ADCY1: variants seen among roughly 807,000 people sequenced by gnomAD.
ADCY1 encodes adenylate cyclase type 1.
Under a neutral mutation model 105.4 loss-of-function variants are expected in ADCY1, and 28 were observed. The observed-to-expected ratio is 0.27, with a 90% CI of 0.20 to 0.36. The LOEUF (loss-of-function observed/expected upper bound fraction) is 0.36, where lower values mean the gene tolerates loss of function less well. Ranked by LOEUF, ADCY1 falls within the 10% of genes least tolerant of loss-of-function variation. The probability of loss-of-function intolerance (pLI) is 1.00; values close to 1 mark genes in which losing one functional copy is unlikely to be tolerated. For missense variants in ADCY1, 977 were observed against 1,434.2 expected (o/e 0.68, Z 5.15); for synonymous variants, 655 against 623.8 (o/e 1.05, Z -0.75).
chr7:45,674,114 T>A (rs1784414292), intron 8 of ADCY1, among the ~76,000 whole-genome samples: 1 of 151,332 alleles, frequency 6.6e-6, no homozygotes, highest in East Asian at 1.9e-4. Flanking sequence ...CTAGTTTTAG[T>A]TTGATTCTGT....
In ADCY1 at chr7:45,720,476, A is replaced by AT. The variant is rs1172524190; in HGVS notation, c.*6483dup. On this transcript the variant is annotated 3_prime_UTR_variant, in exon 20 of 20. Transcript: ENST00000297323. Reference sequence around the variant, plus strand: ...GGTTGCAGTGAGCTGAGATTGCACCATTGCACTCCAGCCTGGGCGACAGAG... The same window carrying AT: ...GGTTGCAGTGAGCTGAGATTGCACCATTTGCACTCCAGCCTGGGCGACAGAG... The AT allele has an allele frequency of 3.3e-5, 5 of 150,972 alleles. No individual in the cohort carries two copies. The highest frequency in any genetic ancestry group is 1.2e-4 in the African/African-American group (5 of 40,992). 9.4% of individuals were successfully genotyped at this position (150,972 alleles called of 1,614,324 possible).
intron 8 of ADCY1, among the ~76,000 whole-genome samples, chr7:45,670,088 T>A (rs1028113184): frequency 2.0e-5 from 3 of 152,158 alleles, no homozygotes; most frequent in Non-Finnish European, 4.4e-5. Flanking sequence ...AAAATACTCT[T>A]GAGTAGGTAT....
chr7:45,580,192 T>C lies in ADCY1; in HGVS notation c.639+5010T>C, dbSNP rs866769088. ...GCCAGGGGCTCCCACTCACTCCACC[T>C]CTGAAGTGGTCCAGTGGGCCCAGGG... On this transcript the variant is annotated intron_variant, in intron 1 of 19. Transcript: ENST00000297323. Among the ~76,000 whole-genome samples, 6 of 152,312 alleles carry C rather than the reference T, an allele frequency of 3.9e-5. No individual in the cohort carries two copies. The South Asian group carries it at 1.2e-3, about 32-fold the overall frequency.
intron 14 of ADCY1, among the ~76,000 whole-genome samples, chr7:45,687,211 A>G (rs1414372853): frequency 3.3e-5 from 5 of 152,200 alleles, no homozygotes; most frequent in African/African-American, 1.2e-4. Context: ...TGGAGTAGCA[A>G]ACATGTGAAC....
intron 8 of ADCY1, among the ~76,000 whole-genome samples, chr7:45,669,698 A>G (rs1283670350): frequency 6.6e-6 from 1 of 152,198 alleles, no homozygotes; most frequent in Non-Finnish European, 1.5e-5. Context: ...ATTTTGTTGA[A>G]ACATGGCTGG....
At chr7:45,635,885 A>G (rs190589664) in intron 4 of ADCY1, among the ~76,000 whole-genome samples, 38 of 152,056 alleles carry the variant, frequency 2.5e-4, no homozygotes, top group African/African-American at 8.4e-4. Context: ...CCATATCTTT[A>G]TTGATTTCCT....
At chr7:45,634,868 T>G (rs1562699205) in intron 4 of ADCY1, among the ~76,000 whole-genome samples, 1 of 152,224 alleles carries the variant, frequency 6.6e-6, no homozygotes, top group Admixed American at 6.5e-5. Flanking sequence ...AAAATTTTGT[T>G]TAGAAAATTT....
chr7:45,679,783 C>G lies in ADCY1; in HGVS notation c.1973C>G (p.Thr658Ser). Residue 658 changes from threonine to serine, a missense_variant, in exon 11 of 20, where the codon ACC (threonine) becomes AGC (serine). By Grantham distance (58) the Thr-to-Ser change is moderately conservative. Transcript: ENST00000297323. ...GCCTGTGTCCTGTACCTGCACATCA[C>G]CCGGGTCCAGGTATGTGGGTGGCCT... is the stretch of plus-strand genomic sequence containing the variant. ...LVACVLYLHI[T>S]RVQCFPGCLT... The G allele has an allele frequency of 6.2e-7, 1 of 1,613,730 alleles. No homozygotes were observed. Among genetic ancestry groups the G allele is most frequent in the Non-Finnish European group, 8.5e-7 (1 of 1,179,852 alleles).
In ADCY1 at chr7:45,575,206, A is replaced by C; in HGVS notation, c.639+24A>C. On this transcript the variant is annotated intron_variant, in intron 1 of 19. Transcript: ENST00000297323. The surrounding 1 kb of genome is among the most constrained non-coding windows in gnomAD (Gnocchi z 4.7). Reference sequence around the variant, plus strand: ...CGGTAAGTGCAGCCGCGCACCCCTCATCTGGTCTCGGACACACTTGCTGGG... The same window carrying C: ...CGGTAAGTGCAGCCGCGCACCCCTCCTCTGGTCTCGGACACACTTGCTGGG... The C allele has an allele frequency of 6.4e-7, 1 of 1,559,244 alleles. No homozygotes were observed. The highest frequency in any genetic ancestry group is 2.3e-5 in the East Asian group (1 of 44,294).
At chr7:45,614,199 A>G (rs1416665274) in intron 3 of ADCY1, among the ~76,000 whole-genome samples, 3 of 152,044 alleles carry the variant, frequency 2.0e-5, no homozygotes, top group Non-Finnish European at 4.4e-5. Flanking sequence ...AAAATAAATA[A>G]CTGGAAAGTA....
At chr7:45,660,887 T>G (rs1463482628) in intron 7 of ADCY1, among the ~76,000 whole-genome samples, 7 of 137,334 alleles carry the variant, frequency 5.1e-5, no homozygotes, top group African/African-American at 1.1e-4. Flanking sequence ...TCAGGTGAGG[T>G]GTTCAGGGCT....
chr7:45,633,950 C>T (rs907785228), intron 4 of ADCY1, among the ~76,000 whole-genome samples: 3 of 151,946 alleles, frequency 2.0e-5, no homozygotes, highest in Non-Finnish European at 2.9e-5. Flanking sequence ...AGGTTTCTGC[C>T]CAATGGTAGG....
At position 45,686,280 on chromosome 7, in the gene ADCY1, TA is replaced by T; in HGVS notation, c.2327+66del. The T allele has an allele frequency of 1.3e-6, 2 of 1,561,078 alleles. No homozygotes were observed. Among genetic ancestry groups the T allele is most frequent in the Non-Finnish European group, 8.7e-7 (1 of 1,151,238 alleles). ...GTGCTACTGAATCTGTGTATACAGA[TA>T]TGCACTACAGGCTTCTGAGTCCAGA... On this transcript the variant is annotated intron_variant, in intron 13 of 19. Transcript: ENST00000297323. This position sits in a 1 kb window ranked among gnomAD's most constrained non-coding sequence, Gnocchi z 4.3.
chr7:45,675,020 T>C (rs1444310922), intron 8 of ADCY1, among the ~76,000 whole-genome samples: 1 of 152,118 alleles, frequency 6.6e-6, no homozygotes, highest in Non-Finnish European at 1.5e-5. Context: ...TTGGTATATT[T>C]AGAATATCTA....
chr7:45,584,068 T>C (rs1460079635), intron 1 of ADCY1, among the ~76,000 whole-genome samples: 2 of 151,178 alleles, frequency 1.3e-5, no homozygotes, highest in Non-Finnish European at 2.9e-5. Flanking sequence ...CTGTGTCAGC[T>C]TCCAGAGTAG....
At chr7:45,597,582 C>T (rs1793112918) in intron 2 of ADCY1, among the ~76,000 whole-genome samples, 1 of 152,226 alleles carries the variant, frequency 6.6e-6, no homozygotes, top group Non-Finnish European at 1.5e-5. Context: ...TAGGAGCTTT[C>T]TCCTTCCCCT....
intron 4 of ADCY1, among the ~76,000 whole-genome samples, chr7:45,628,069 A>G (rs1051556575): frequency 9.2e-5 from 14 of 152,134 alleles, no homozygotes; most frequent in African/African-American, 3.1e-4. Context: ...AGCAATTGTC[A>G]TGTCACCTGG....
rs1408996686 is a variant in ADCY1, at chr7:45,679,743, A to T, written c.1933A>T (p.Ile645Phe). 6.2e-7 allele frequency: 1 copy of T among 1,614,174 alleles called. No individual in the cohort carries two copies. Reference protein sequence around the residue: ...VVVLLLLVFCICFLVACVLYL... With the variant: ...VVVLLLLVFCFCFLVACVLYL... ...CGTCCTGCTCCTGCTAGTATTCTGC[A>T]TCTGCTTCCTGGTGGCCTGTGTCCT... Residue 645 changes from isoleucine to phenylalanine, a missense_variant, in exon 11 of 20, where the codon ATC (isoleucine) becomes TTC (phenylalanine). By Grantham distance (21) the Ile-to-Phe change is conservative (BLOSUM62 0). Coordinates refer to ENST00000297323, the MANE Select transcript of ADCY1 (RefSeq NM_021116.4).
chr7:45,574,576 C>CGGA lies in ADCY1; in HGVS notation c.36_38dup (p.Gly14dup). On this transcript the variant is annotated inframe_insertion, in exon 1 of 20. Coordinates refer to ENST00000297323, the MANE Select transcript of ADCY1 (RefSeq NM_021116.4). The surrounding 1 kb of genome is among the most constrained non-coding windows in gnomAD (Gnocchi z 7.0). ...GGGCGCCGCGCGGCGGAGGCGGCGGCGGAGGCGGCGCGGGCGAGCCCGGGG... is the reference window on the plus strand; with the variant it reads ...GGGCGCCGCGCGGCGGAGGCGGCGGCGGAGGAGGCGGCGCGGGCGAGCCCGGGG... 3 of 993,288 alleles carry CGGA rather than the reference C, an allele frequency of 3.0e-6. No individual in the cohort carries two copies. The highest frequency in any genetic ancestry group is 3.6e-6 in the Non-Finnish European group (3 of 837,164). 61.5% of individuals were successfully genotyped at this position (993,288 alleles called of 1,614,324 possible).
Sources: gnomAD v4.1 joint callset for allele counts (sites outside exome capture counted in the v4.1 genomes callset) on GRCh38, gnomAD v4.1.1 for gene constraint, Gnocchi (gnomAD v3.1) non-coding constraint, MANE v1.5 for transcripts, NCBI Gene and HGNC (gene_info 2026-07-23, HGNC 2026-07-21) for gene names.